The following ABCC10 variants were observed in gnomAD, a reference collection of about 807,000 sequenced individuals.
The protein encoded by ABCC10 is ATP-binding cassette sub-family C member 10.
A neutral mutation model predicts 143.2 loss-of-function variants in ABCC10; 110 were observed. That is an observed-to-expected ratio of 0.77 (90% confidence interval 0.66 to 0.90). The LOEUF (loss-of-function observed/expected upper bound fraction) is 0.90, where lower values mean the gene tolerates loss of function less well. Among genes scored for constraint, ABCC10 ranks in the 40% least tolerant of loss-of-function variants. The pLI, the probability that ABCC10 is intolerant of heterozygous loss-of-function variation, is 0.00. For missense variants in ABCC10, 1,700 were observed against 1,900.5 expected, an observed-to-expected ratio of 0.89 and a Z score of 1.96; for synonymous variants, 805 against 846.7, an observed-to-expected ratio of 0.95 and a Z score of 0.85.
At chr6:43,441,995 G>C (rs1334066647) in intron 9 of ABCC10, 35 bp downstream of exon 9, 1 of 1,584,898 alleles carries the variant, frequency 6.3e-7, no homozygotes, top group East Asian at 2.2e-5. Context: ...TGGCAGGGAG[G>C]TGGGGGGAGT....
At position 43,433,261 on chromosome 6, in the gene ABCC10, CA is replaced by C; in HGVS notation, c.1282del (p.Ile428SerfsTer12). On this transcript the variant is annotated frameshift_variant, in exon 3 of 22. Coordinates refer to ENST00000372530, the MANE Select transcript of ABCC10 (RefSeq NM_001198934.2). LOFTEE classifies it high-confidence loss of function. ...QVGVAFVGGL[I>X]LALLLVPVNK... ...TAGGCGTGGCCTTCGTGGGTGGTCT[CA>C]TCTTGGCACTGCTGCTGGTACCCGT... 4 of 1,614,208 alleles carry C rather than the reference CA, an allele frequency of 2.5e-6. No individual in the cohort carries two copies. Among genetic ancestry groups the C allele is most frequent in the Non-Finnish European group, 3.4e-6 (4 of 1,180,018 alleles).
chr6:43,450,866 C>A (rs759095967), downstream of ABCC10: 25 of 1,614,042 alleles, frequency 1.5e-5, 1 homozygote, highest in Admixed American at 4.0e-4. This position sits in a 1 kb window ranked among gnomAD's most constrained non-coding sequence, Gnocchi z 4.5. Context: ...GGGCTGGCCC[C>A]GTGGCAGGTA....
rs1271213155 is a variant in ABCC10 at position 43,432,461 on chromosome 6, C to T, written c.481C>T (p.Leu161=). The change falls in exon 3 of 22, where the codon CTG becomes TTG. Residue 161 remains leucine (L), a synonymous_variant. Transcript: ENST00000372530. ...GTGGCATTGCCAGCGAGGCACACTTCTGCCCCCACTTCTCCCAGGGCCCAT... is the reference window on the plus strand; with the variant it reads ...GTGGCATTGCCAGCGAGGCACACTTTTGCCCCCACTTCTCCCAGGGCCCAT... The part of the protein sequence containing the change: ...VLWHCQRGTL[L]PPLLPGPMAR... 6 of 1,611,702 alleles carry T rather than the reference C, an allele frequency of 3.7e-6. No individual in the cohort carries two copies. Among genetic ancestry groups the T allele is most frequent in the African/African-American group, 1.3e-5 (1 of 74,956 alleles).
intron 1 of ABCC10, 52 bp downstream of exon 1, chr6:43,427,809 C>T (rs1384607027): frequency 2.6e-6 from 2 of 770,250 alleles, no homozygotes; most frequent in African/African-American, 3.4e-5. Context: ...CCCGTTTTTA[C>T]CCTTGGTACC....
chr6:43,436,178 A>G lies in ABCC10; in HGVS notation c.1806A>G (p.Gly602=). 2.5e-6 allele frequency: 4 copies of G among 1,614,158 alleles called. No individual in the cohort carries two copies. Among genetic ancestry groups the G allele is most frequent in the Non-Finnish European group, 3.4e-6 (4 of 1,180,010 alleles). Residue 602 remains glycine (G), a synonymous_variant, in exon 6 of 22, where the codon GGA becomes GGG. Coordinates refer to ENST00000372530, the MANE Select transcript of ABCC10 (RefSeq NM_001198934.2). ...AEPSTVLELH[G]ALFSWDPVGT... Reference sequence around the variant, plus strand: ...CATCTACAGTATTGGAGCTGCATGGAGCCTTGTTCTCCTGGGACCCAGTTG... The same window carrying G: ...CATCTACAGTATTGGAGCTGCATGGGGCCTTGTTCTCCTGGGACCCAGTTG...
chr6:43,444,650 G>A, intron 12 of ABCC10, 138 bp from the exon 13 acceptor site: 2 of 1,257,292 alleles, frequency 1.6e-6, no homozygotes, highest in Non-Finnish European at 2.2e-6. Flanking sequence ...ATATGGGGTA[G>A]TGGCAGGGTG....
rs369322714 is a variant in ABCC10 at position 43,432,734 on chromosome 6, C to G, written c.754C>G (p.His252Asp). The G allele has an allele frequency of 3.7e-6, 6 of 1,614,062 alleles. No individual in the cohort carries two copies. The highest frequency in any genetic ancestry group is 5.1e-6 in the Non-Finnish European group (6 of 1,180,034). Reference protein sequence around the residue: ...RQPQDICRLPHRLQPTYLARV... With the variant: ...RQPQDICRLPDRLQPTYLARV... Reference sequence around the variant, plus strand: ...GCCTCAGGACATTTGCCGCCTCCCCCACAGACTGCAGCCAACCTACCTGGC... The same window carrying G: ...GCCTCAGGACATTTGCCGCCTCCCCGACAGACTGCAGCCAACCTACCTGGC... The change falls in exon 3 of 22, where the codon CAC (histidine) becomes GAC (aspartate). Residue 252 changes from histidine (H) to aspartate (D), a missense_variant. By Grantham distance (81) the His-to-Asp change is moderately conservative. Coordinates refer to ENST00000372530, the MANE Select transcript of ABCC10 (RefSeq NM_001198934.2).
At chr6:43,439,196 C>A (rs1234622534) in intron 8 of ABCC10, among the ~76,000 whole-genome samples, 7 of 152,134 alleles carry the variant, frequency 4.6e-5, no homozygotes, top group Admixed American at 4.6e-4. Context: ...CCCTTGCCCC[C>A]AGTCCAGAGT....
chr6:43,443,928 TC>T lies in ABCC10; in HGVS notation c.2417-3del. ...CCTCTCCCAATCTCCCCTTCTACCC[TC>T]CAGGACCTCCCTCTGAGATTCTGCC... On this transcript the variant is annotated splice_region_variant and splice_polypyrimidine_tract_variant and intron_variant, in intron 10 of 21. Transcript: ENST00000372530. The surrounding 1 kb of genome is among the most constrained non-coding windows in gnomAD (Gnocchi z 4.2). 1.2e-6 allele frequency: 2 copies of T among 1,612,670 alleles called. No homozygotes were observed. The highest frequency in any genetic ancestry group is 1.1e-5 in the South Asian group (1 of 91,050).
Position 43,441,916 on chromosome 6 carries a change from G to A in ABCC10, c.2182G>A (p.Gly728Arg), listed in dbSNP as rs754262909. Reference protein sequence around the residue: ...EVGEKGVTLSGGQRARIALAR... With the variant: ...EVGEKGVTLSRGQRARIALAR... ...GGGGGAGAAGGGTGTCACCCTTAGC[G>A]GAGGACAGCGTGCCCGGATTGCCCT... The change falls in exon 9 of 22, where the codon GGA becomes AGA. Residue 728 changes from glycine (G) to arginine (R), a missense_variant. Coordinates refer to ENST00000372530, the MANE Select transcript of ABCC10 (RefSeq NM_001198934.2). The A allele has an allele frequency of 1.1e-5, 18 of 1,613,886 alleles. No homozygotes were observed. Among genetic ancestry groups the A allele is most frequent in the Middle Eastern group, 3.3e-4 (2 of 6,066 alleles).
chr6:43,442,877 G>T, intron 9 of ABCC10, 93 bp from the exon 10 acceptor site: 1 of 1,192,708 alleles, frequency 8.4e-7, no homozygotes. Context: ...GTAGCCCCCA[G>T]AGTTTCTCTC....
In ABCC10 at chr6:43,438,278, G is replaced by A. The variant is rs1419837870; in HGVS notation, c.1955+265G>A. 2.4e-6 allele frequency: 3 copies of A among 1,227,408 alleles called. No homozygotes were observed. The East Asian group carries it at 7.9e-5, about 32-fold the overall frequency. The allele number at this position is 1,227,408 out of a possible 1,614,324, so 76.0% of individuals were successfully genotyped here. On this transcript the variant is annotated intron_variant, in intron 7 of 21. Coordinates refer to ENST00000372530, the MANE Select transcript of ABCC10 (RefSeq NM_001198934.2). ...TGTCAGCTATTCTTTCAGAAATGTG[G>A]CTGTGCAGAGAAGGGATCCAGAGAG...
Position 43,437,022 on chromosome 6 carries a change from T to A in ABCC10, c.1875+775T>A, listed in dbSNP as rs1781799168. On this transcript the variant is annotated intron_variant, in intron 6 of 21. Coordinates refer to ENST00000372530, the MANE Select transcript of ABCC10 (RefSeq NM_001198934.2). ...AGAATTTATAATAAGGATGTAGAGA[T>A]ACATTGCAGAATCCAAAGGCAGGAA... Among the ~76,000 whole-genome samples the A allele has an allele frequency of 2.0e-5, 3 of 152,150 alleles. No homozygotes were observed. In the South Asian group the frequency reaches 6.2e-4, roughly 32 times the overall value.
At chr6:43,434,135 T>G (rs960704873) in intron 3 of ABCC10, among the ~76,000 whole-genome samples, 1 of 152,258 alleles carries the variant, frequency 6.6e-6, no homozygotes. Flanking sequence ...ATTAGCCTGT[T>G]TGACCCTGGG....
intron 1 of ABCC10, 76 bp downstream of exon 1, chr6:43,427,833 G>A (rs1435390601): frequency 1.1e-6 from 1 of 940,138 alleles, no homozygotes; most frequent in Non-Finnish European, 1.7e-6. Flanking sequence ...AGAATGGGCG[G>A]GGTCTGGCTT....
Position 43,432,791 on chromosome 6 carries a change from G to A in ABCC10, c.811G>A (p.Ala271Thr). 6.2e-7 allele frequency: 1 copy of A among 1,614,196 alleles called. No homozygotes were observed. Among genetic ancestry groups the A allele is most frequent in the Non-Finnish European group, 8.5e-7 (1 of 1,180,034 alleles). The change falls in exon 3 of 22, where the codon GCA (alanine) becomes ACA (threonine). Residue 271 changes from alanine (A) to threonine (T), a missense_variant. Physicochemically the swap from Ala to Thr is moderately conservative, Grantham distance 58. Coordinates refer to ENST00000372530, the MANE Select transcript of ABCC10 (RefSeq NM_001198934.2). ...CTTCCAGGCACACTGGCAGGAGGGG[G>A]CACGGCTGTGGAGGGCCTTGTATGG... is the stretch of plus-strand genomic sequence containing the variant. ...RVFQAHWQEGARLWRALYGAF... is the reference protein window; with the variant it reads ...RVFQAHWQEGTRLWRALYGAF...
chr6:43,430,317 C>G (rs964498438), intron 2 of ABCC10, among the ~76,000 whole-genome samples: 3 of 151,740 alleles, frequency 2.0e-5, no homozygotes, highest in Admixed American at 1.3e-4. Context: ...TCTTGAACTC[C>G]TGGCCTCAAG....
At chr6:43,438,351 A>G (rs956042329) in intron 7 of ABCC10, 1 of 1,416,722 alleles carries the variant, frequency 7.1e-7, no homozygotes, top group Admixed American at 2.9e-5. Flanking sequence ...GAACAAGTAC[A>G]ATGTGGTGGC....
In ABCC10 at chr6:43,435,775, C is replaced by T. The variant is rs143947606; in HGVS notation, c.1633C>T (p.Arg545Ter). The T allele has an allele frequency of 9.6e-5, 155 of 1,614,066 alleles. No homozygotes were observed. In the African/African-American group the frequency reaches 1.7e-3, roughly 18 times the overall value. The change falls in exon 5 of 22, where the codon CGA becomes TGA. Residue 545 changes from arginine (R) to a stop codon, truncating the protein, a stop_gained. Coordinates refer to ENST00000372530, the MANE Select transcript of ABCC10 (RefSeq NM_001198934.2). LOFTEE classifies it high-confidence loss of function. ...TKVFTALALV[R>*]MLILPLNNFP... ...GGTGTTCACGGCCCTGGCACTGGTG[C>T]GAATGCTCATTCTTCCTCTCAACAA...
Sources: allele counts gnomAD v4.1 joint callset (sites outside exome capture counted in the v4.1 genomes callset), GRCh38; gene constraint gnomAD v4.1.1; non-coding constraint Gnocchi (gnomAD v3.1); transcripts MANE v1.5; gene names NCBI Gene and HGNC (gene_info 2026-07-23, HGNC 2026-07-21).